The following CACHD1 variants were observed in gnomAD, a reference collection of about 807,000 sequenced individuals.
CACHD1 encodes the protein cache domain containing 1, also known as VWFA and cache domain-containing protein 1.
CACHD1 carries 71 observed loss-of-function variants against 138.7 expected under a neutral mutation model. The observed-to-expected ratio is 0.51, with a 90% CI of 0.42 to 0.62. CACHD1 has a LOEUF of 0.62. Ranked by LOEUF, CACHD1 falls within the 20% of genes least tolerant of loss-of-function variation. The pLI is 0.00. For missense variants in CACHD1, 1,389 were observed against 1,625.3 expected, an observed-to-expected ratio of 0.85 and a Z score of 2.50; for synonymous variants, 578 against 591.5, an observed-to-expected ratio of 0.98 and a Z score of 0.33.
chr1:64,663,558 A>G (rs1303982152), intron 13 of CACHD1, 137 bp from the exon 14 acceptor site: 11 of 1,174,352 alleles, frequency 9.4e-6, no homozygotes, highest in African/African-American at 3.1e-5. Flanking sequence ...CTGAAAAAAA[A>G]AAAAAAAGAA....
intron 1 of CACHD1, among the ~76,000 whole-genome samples, chr1:64,523,417 A>C (rs984272646): frequency 1.5e-4 from 23 of 152,216 alleles, no homozygotes; most frequent in Non-Finnish European, 4.4e-5. Flanking sequence ...TTTGAGTGGC[A>C]TCTCCATTTG....
rs532062139 is a variant in CACHD1 at position 64,651,816 on chromosome 1, C to G, written c.1391-345C>G. On this transcript the variant is annotated intron_variant, in intron 9 of 26. Coordinates refer to ENST00000651257, the MANE Select transcript of CACHD1 (RefSeq NM_020925.4). Reference sequence around the variant, plus strand: ...TTTCAAGTTCAGCTGAATCTAACTGCTTCACAAAATAGAAAAATGTATTTA... The same window carrying G: ...TTTCAAGTTCAGCTGAATCTAACTGGTTCACAAAATAGAAAAATGTATTTA... Among the ~76,000 whole-genome samples the G allele has an allele frequency of 2.6e-5, 4 of 152,274 alleles. No homozygotes were observed. In the South Asian group the frequency reaches 8.3e-4, roughly 32 times the overall value.
In CACHD1 at chr1:64,691,439, C is replaced by G. The variant is rs180694325; in HGVS notation, c.3703C>G (p.Pro1235Ala). The G allele has an allele frequency of 5.0e-5, 81 of 1,614,008 alleles. No homozygotes were observed. Among genetic ancestry groups the G allele is most frequent in the Admixed American group, 3.5e-4 (21 of 59,980 alleles). The change falls in exon 27 of 27, where the codon CCT (proline) becomes GCT (alanine). Residue 1235 changes from proline (P) to alanine (A), a missense_variant. This residue lies in a region of CACHD1 where 78 missense variants were observed against 76.9 expected (regional missense o/e 1.01). Transcript: ENST00000651257. ...HDEDLDLDTP[P>A]QTAALLSHKF... ...TGAGGACTTAGACCTGGATACCCCC[C>G]CTCAGACTGCTGCCCTACTAAGTCA... is the stretch of plus-strand genomic sequence containing the variant.
intron 2 of CACHD1, among the ~76,000 whole-genome samples, chr1:64,558,120 A>G (rs890899721): frequency 8.5e-5 from 13 of 152,124 alleles, no homozygotes; most frequent in Non-Finnish European, 1.5e-4. Context: ...TCTTAAGCCT[A>G]CTTCAGTCCT....
intron 2 of CACHD1, among the ~76,000 whole-genome samples, chr1:64,563,187 AC>A (rs1376366567): frequency 2.7e-5 from 4 of 150,234 alleles, no homozygotes; most frequent in Middle Eastern, 3.4e-3. Flanking sequence ...ATTCTGACAG[AC>A]AGTTTTTTGG....
rs1264833483 is a variant in CACHD1 at position 64,675,396 on chromosome 1, T to C, written c.2728-5T>C. 3.2e-6 allele frequency: 5 copies of C among 1,583,812 alleles called. No homozygotes were observed. The highest frequency in any genetic ancestry group is 4.3e-6 in the Non-Finnish European group (5 of 1,155,854). ...GTCATTTCTGATACCTTGATTGTTC[T>C]GTAGGGGGATTTGACGAACCTTGTG... is the stretch of plus-strand genomic sequence containing the variant. On this transcript the variant is annotated splice_region_variant and splice_polypyrimidine_tract_variant and intron_variant, in intron 19 of 26. Coordinates refer to ENST00000651257, the MANE Select transcript of CACHD1 (RefSeq NM_020925.4).
At chr1:64,630,778 G>A (rs768715171) in intron 5 of CACHD1, among the ~76,000 whole-genome samples, 4 of 152,162 alleles carry the variant, frequency 2.6e-5, no homozygotes, top group Admixed American at 6.5e-5. Flanking sequence ...TGATTTTAAC[G>A]AAGCACCTGT....
rs1384710420 is a variant in CACHD1, at chr1:64,573,787, A to G, written c.262-8369A>G. 2.0e-5 allele frequency among the ~76,000 whole-genome samples: 3 copies of G among 152,222 alleles called. No individual in the cohort carries two copies. In the East Asian group the frequency reaches 5.8e-4, roughly 29 times the overall value. On this transcript the variant is annotated intron_variant, in intron 2 of 26. Coordinates refer to ENST00000651257, the MANE Select transcript of CACHD1 (RefSeq NM_020925.4). ...TTTATTAGCTTTGTGACCTTGGGCA[A>G]GTCAGTCCATTGGAATCACCTGTAA...
chr1:64,499,580 T>C (rs1363134335), intron 1 of CACHD1, among the ~76,000 whole-genome samples: 1 of 152,216 alleles, frequency 6.6e-6, no homozygotes, highest in Non-Finnish European at 1.5e-5. Context: ...GGAAAAAAAT[T>C]ACAACACAAA....
intron 2 of CACHD1, among the ~76,000 whole-genome samples, chr1:64,561,075 T>G (rs1321839229): frequency 1.3e-5 from 2 of 149,798 alleles, no homozygotes; most frequent in East Asian, 3.9e-4. Context: ...ATGAGACTTG[T>G]TTTTTTTTAA....
chr1:64,543,287 G>A (rs1381541592), intron 1 of CACHD1, among the ~76,000 whole-genome samples: 3 of 150,974 alleles, frequency 2.0e-5, no homozygotes, highest in Non-Finnish European at 4.4e-5. Flanking sequence ...CAGGCATGGC[G>A]GCTCATGCCT....
chr1:64,615,958 G>A (rs1400289173), intron 4 of CACHD1, among the ~76,000 whole-genome samples: 2 of 152,124 alleles, frequency 1.3e-5, no homozygotes, highest in Non-Finnish European at 2.9e-5. Flanking sequence ...TCATTTTACA[G>A]ATGAGAAGTT....
rs574989424 is a variant in CACHD1 at position 64,675,218 on chromosome 1, T to G, written c.2728-183T>G. On this transcript the variant is annotated intron_variant, in intron 19 of 26. Coordinates refer to ENST00000651257, the MANE Select transcript of CACHD1 (RefSeq NM_020925.4). ...GTTCAATGGGAGATATCTCTGATTA[T>G]GAATAATTTTTATTTTCTAAATTTT... Among the ~76,000 whole-genome samples the G allele has an allele frequency of 3.3e-5, 5 of 152,366 alleles. No individual in the cohort carries two copies. The East Asian group carries it at 9.6e-4, about 29-fold the overall frequency.
chr1:64,568,491 G>A lies in CACHD1; in HGVS notation c.262-13665G>A, dbSNP rs554898040. The stretch of plus-strand genomic sequence containing the variant: ...GAGTACTGTTCAGCTAGGAAAAAAC[G>A]AGATGGGCACAGAGAGAGGAAGCCA... On this transcript the variant is annotated intron_variant, in intron 2 of 26. Transcript: ENST00000651257. Among the ~76,000 whole-genome samples, 57 of 152,202 alleles carry A rather than the reference G, an allele frequency of 3.7e-4. 1 individual carries two copies. The highest frequency in any genetic ancestry group is 7.2e-4 in the Non-Finnish European group (49 of 68,008).
chr1:64,492,572 C>T (rs931364296), intron 1 of CACHD1, among the ~76,000 whole-genome samples: 2 of 151,456 alleles, frequency 1.3e-5, no homozygotes, highest in African/African-American at 2.4e-5. Context: ...TACTCCTCCC[C>T]GTTCTGATAC....
intron 4 of CACHD1, among the ~76,000 whole-genome samples, chr1:64,606,169 G>T (rs1486902069): frequency 6.8e-6 from 1 of 146,232 alleles, no homozygotes; most frequent in Non-Finnish European, 1.5e-5. Context: ...GGAGGCCAGG[G>T]GCCAGGAGAC....
At chr1:64,516,862 A>G (rs1017412501) in intron 1 of CACHD1, among the ~76,000 whole-genome samples, 5 of 152,228 alleles carry the variant, frequency 3.3e-5, no homozygotes, top group Non-Finnish European at 7.3e-5. Context: ...TCCTCCTAGT[A>G]AACAAAATTG....
intron 2 of CACHD1, among the ~76,000 whole-genome samples, chr1:64,555,569 C>T (rs777252152): frequency 1.3e-4 from 20 of 152,136 alleles, no homozygotes; most frequent in South Asian, 2.1e-4. Flanking sequence ...TACAGGAGTC[C>T]ACCACCATGC....
At chr1:64,476,101 A>G (rs1013249269) in intron 1 of CACHD1, among the ~76,000 whole-genome samples, 10 of 98,692 alleles carry the variant, frequency 1.0e-4, no homozygotes, top group Non-Finnish European at 2.1e-4. Context: ...CCAGTCCTGA[A>G]GGAAGCAGCA....
Sources: allele counts gnomAD v4.1 joint callset (sites outside exome capture counted in the v4.1 genomes callset), GRCh38; gene constraint gnomAD v4.1.1; regional missense constraint gnomAD v4.1.1; transcripts MANE v1.5; gene names NCBI Gene and HGNC (gene_info 2026-07-23, HGNC 2026-07-21).